The following CASZ1 variants were observed in gnomAD, a reference collection of about 807,000 sequenced individuals.
The protein encoded by CASZ1 is castor zinc finger 1.
Under a neutral mutation model 135.2 loss-of-function variants are expected in CASZ1, and 28 were observed. That is an observed-to-expected ratio of 0.21 (90% CI 0.15 to 0.28). CASZ1 has a LOEUF of 0.28. Among genes scored for constraint, CASZ1 ranks in the 10% least tolerant of loss-of-function variants. The pLI is 1.00. For synonymous variants in CASZ1, 1,068 were observed against 1,073.4 expected (o/e 0.99, Z 0.10); for missense variants, 2,161 against 2,453.3 (o/e 0.88, Z 2.52).
Position 10,647,688 on chromosome 1 carries a change from TG to T in CASZ1, c.3497+112del. On this transcript the variant is annotated intron_variant, in intron 16 of 20. Coordinates refer to ENST00000377022, the MANE Select transcript of CASZ1 (RefSeq NM_001079843.3). This position sits in a 1 kb window ranked among gnomAD's most constrained non-coding sequence, Gnocchi z 4.9. ...CCCGATGGCCATGCCCCAGAGAGGCTGGGGACAGCAGCACCATCCGCAGTGA... is the reference window on the plus strand; with the variant it reads ...CCCGATGGCCATGCCCCAGAGAGGCTGGGACAGCAGCACCATCCGCAGTGA... 1 of 1,537,360 alleles carries T rather than the reference TG, an allele frequency of 6.5e-7. No homozygotes were observed. Among genetic ancestry groups the T allele is most frequent in the Admixed American group, 1.9e-5 (1 of 51,316 alleles).
chr1:10,664,313 C>T (rs746210363), intron 5 of CASZ1, among the ~76,000 whole-genome samples: 5 of 151,970 alleles, frequency 3.3e-5, no homozygotes, highest in African/African-American at 1.2e-4. Context: ...GTGGTCCTGG[C>T]GACCCCCTTG....
chr1:10,747,374 C>G lies in CASZ1; in HGVS notation c.-77+13327G>C, dbSNP rs1213609893. On this transcript the variant is annotated intron_variant, in intron 2 of 20. Transcript: ENST00000377022. This position sits in a 1 kb window ranked among gnomAD's most constrained non-coding sequence, Gnocchi z 4.3. ...CAGGGATTCTTACCAAGTGCTAAGT[C>G]TAGCACCTGCCAAACCGTGGCGGAA... 6.6e-6 allele frequency among the ~76,000 whole-genome samples: 1 copy of G among 152,214 alleles called. No homozygotes were observed. Among genetic ancestry groups the G allele is most frequent in the African/African-American group, 2.4e-5 (1 of 41,454 alleles).
intron 1 of CASZ1, among the ~76,000 whole-genome samples, chr1:10,771,831 C>G (rs1361220722): frequency 6.6e-6 from 1 of 152,154 alleles, no homozygotes; most frequent in Non-Finnish European, 1.5e-5. Flanking sequence ...CCCAGGACTC[C>G]CCCTGGAACC....
chr1:10,743,292 G>A (rs1477109932), intron 2 of CASZ1, among the ~76,000 whole-genome samples: 1 of 152,070 alleles, frequency 6.6e-6, no homozygotes, highest in Non-Finnish European at 1.5e-5. Context: ...GACATTCAAG[G>A]GTGAGTGATA....
intron 1 of CASZ1, among the ~76,000 whole-genome samples, chr1:10,769,803 C>T (rs1410710577): frequency 1.3e-5 from 2 of 152,014 alleles, no homozygotes; most frequent in Admixed American, 6.6e-5. Flanking sequence ...AGGAGTGAGC[C>T]GCCACACCTG....
Position 10,756,243 on chromosome 1 carries a change from C to G in CASZ1, c.-77+4458G>C, listed in dbSNP as rs1354848318. Among the ~76,000 whole-genome samples, 1 of 152,132 alleles carries G rather than the reference C, an allele frequency of 6.6e-6. No homozygotes were observed. Among genetic ancestry groups the G allele is most frequent in the African/African-American group, 2.4e-5 (1 of 41,440 alleles). On this transcript the variant is annotated intron_variant, in intron 2 of 20. Transcript: ENST00000377022. This position sits in a 1 kb window ranked among gnomAD's most constrained non-coding sequence, Gnocchi z 5.9. ...CTGGAGGTCAGGCCTCCAGAGCCTC[C>G]TTACAGGGCCAGGCTGCTGTGCCAC...
rs1283625458 is a variant in CASZ1, at chr1:10,649,388, T to A, written c.2930A>T (p.Glu977Val). ...CTCCGCAGCGGGGCTCCCCTCCGCT[T>A]CCGCCTTGATGTTCAGCAGGCTGCC... Reference protein sequence around the residue: ...GLGSLLNIKAEAEGSPAAEPS... With the variant: ...GLGSLLNIKAVAEGSPAAEPS... The change falls in exon 14 of 21, where the codon GAA becomes GTA. Residue 977 changes from glutamate (E) to valine (V), a missense_variant. Glu to Val is a moderately radical substitution (Grantham distance 121). Around this residue, in one of 7 missense-constraint regions of CASZ1, gnomAD observed 406 missense variants for 387.6 expected, o/e 1.05. Coordinates refer to ENST00000377022, the MANE Select transcript of CASZ1 (RefSeq NM_001079843.3). 2.5e-6 allele frequency: 4 copies of A among 1,610,142 alleles called. No individual in the cohort carries two copies. The African/African-American group carries it at 5.3e-5, about 22-fold the overall frequency.
Position 10,741,613 on chromosome 1 carries a change from C to A in CASZ1, c.-77+19088G>T, listed in dbSNP as rs1189459109. 1.3e-5 allele frequency among the ~76,000 whole-genome samples: 2 copies of A among 152,000 alleles called. No homozygotes were observed. The highest frequency in any genetic ancestry group is 4.8e-5 in the African/African-American group (2 of 41,374). Reference sequence around the variant, plus strand: ...TTTTATTATCCGGGAGAAAAACAAACCCAACCACCGAAACTCACCCTCAAC... The same window carrying A: ...TTTTATTATCCGGGAGAAAAACAAAACCAACCACCGAAACTCACCCTCAAC... On this transcript the variant is annotated intron_variant, in intron 2 of 20. Transcript: ENST00000377022. This position sits in a 1 kb window ranked among gnomAD's most constrained non-coding sequence, Gnocchi z 5.0.
Position 10,757,106 on chromosome 1 carries a change from C to T in CASZ1, c.-77+3595G>A, listed in dbSNP as rs1029891546. The stretch of plus-strand genomic sequence containing the variant: ...GAAGCAGTTCCCTCCGCAAGGAGCC[C>T]GACCCACTCAAACGAGCCTTTCTCA... On this transcript the variant is annotated intron_variant, in intron 2 of 20. Coordinates refer to ENST00000377022, the MANE Select transcript of CASZ1 (RefSeq NM_001079843.3). This position sits in a 1 kb window ranked among gnomAD's most constrained non-coding sequence, Gnocchi z 4.6. Among the ~76,000 whole-genome samples the T allele has an allele frequency of 6.6e-6, 1 of 152,242 alleles. No individual in the cohort carries two copies. The highest frequency in any genetic ancestry group is 2.4e-5 in the African/African-American group (1 of 41,538).
intron 1 of CASZ1, among the ~76,000 whole-genome samples, chr1:10,773,026 AAGGAAGGAGGGG>A (rs1640602763): frequency 6.6e-6 from 1 of 152,038 alleles, no homozygotes; most frequent in Admixed American, 6.6e-5. Context: ...TTCCCAAGGA[AAGGAAGGAGGGG>A]AGGAAGGAAG....
chr1:10,761,037 C>T (rs1279494895), intron 1 of CASZ1, among the ~76,000 whole-genome samples, 180 bp from the exon 2 acceptor site: 1 of 152,380 alleles, frequency 6.6e-6, no homozygotes. Context: ...ACGGCGCATA[C>T]CATGCCTGAC....
At chr1:10,731,012 G>C (rs568909880) in intron 2 of CASZ1, among the ~76,000 whole-genome samples, 1 of 152,050 alleles carries the variant, frequency 6.6e-6, no homozygotes, top group Non-Finnish European at 1.5e-5. Flanking sequence ...AGGCTGAGGC[G>C]GGAGAATCAC....
chr1:10,637,690 C>A lies in CASZ1; in HGVS notation c.*1252G>T, dbSNP rs1178014356. Reference sequence around the variant, plus strand: ...AGCCACTGGCCAGGTGTGTGCCTGCCAGGTCAGGCCCTGGCCCGGGCTTCG... The same window carrying A: ...AGCCACTGGCCAGGTGTGTGCCTGCAAGGTCAGGCCCTGGCCCGGGCTTCG... On this transcript the variant is annotated 3_prime_UTR_variant, in exon 21 of 21. Coordinates refer to ENST00000377022, the MANE Select transcript of CASZ1 (RefSeq NM_001079843.3). The A allele has an allele frequency of 6.6e-6, 1 of 152,346 alleles. No homozygotes were observed. Among genetic ancestry groups the A allele is most frequent in the African/African-American group, 2.4e-5 (1 of 41,424 alleles). The allele number at this position is 152,346 out of a possible 1,614,324, so 9.4% of individuals were successfully genotyped here. A position where few individuals can be genotyped will look rare whatever the true frequency, so the allele number is the denominator to read the frequency against.
At chr1:10,704,765 C>T (rs913175279) in intron 3 of CASZ1, among the ~76,000 whole-genome samples, 1 of 152,242 alleles carries the variant, frequency 6.6e-6, no homozygotes, top group African/African-American at 2.4e-5. Flanking sequence ...ATTTACATAA[C>T]ACTGGCGTTC....
chr1:10,696,025 G>A (rs1242927398), intron 3 of CASZ1, among the ~76,000 whole-genome samples: 1 of 152,180 alleles, frequency 6.6e-6, no homozygotes, highest in East Asian at 1.9e-4. Flanking sequence ...CCTGGTCTTT[G>A]GACAGCATCC....
chr1:10,654,645 G>A (rs1174957274), intron 9 of CASZ1, 54 bp from the exon 10 acceptor site: 5 of 1,557,566 alleles, frequency 3.2e-6, no homozygotes, highest in Non-Finnish European at 4.4e-6. Context: ...CTCCTGGGCC[G>A]AGGTCGACAC....
intron 4 of CASZ1, among the ~76,000 whole-genome samples, 188 bp downstream of exon 4, chr1:10,693,686 G>A (rs1157375059): frequency 2.0e-5 from 3 of 152,016 alleles, no homozygotes; most frequent in African/African-American, 7.2e-5. Context: ...CTAAGCAAGT[G>A]GCAAATAACA....
chr1:10,687,464 C>T (rs1319349095), intron 4 of CASZ1, among the ~76,000 whole-genome samples: 2 of 152,380 alleles, frequency 1.3e-5, no homozygotes, highest in East Asian at 1.9e-4. Context: ...AGAGCAGATG[C>T]CCCGGCCAGG....
chr1:10,639,749 G>C lies in CASZ1; in HGVS notation c.4473C>G (p.Asp1491Glu), dbSNP rs1166652216. ...HDRVDNLVLD[D>E]FKRFKASLSC... ...TGAGTGAGGCCTTGAAGCGCTTGAA[G>C]TCGTCCAGCACCAGGTTGTCCACGC... Residue 1491 changes from aspartate to glutamate, a missense_variant, in exon 21 of 21, where the codon GAC becomes GAG. Around this residue, in one of 7 missense-constraint regions of CASZ1, gnomAD observed 240 missense variants for 321.4 expected, o/e 0.75. Coordinates refer to ENST00000377022, the MANE Select transcript of CASZ1 (RefSeq NM_001079843.3). This position sits in a 1 kb window ranked among gnomAD's most constrained non-coding sequence, Gnocchi z 4.0. 6 of 1,595,562 alleles carry C rather than the reference G, an allele frequency of 3.8e-6. No homozygotes were observed. The highest frequency in any genetic ancestry group is 5.1e-6 in the Non-Finnish European group (6 of 1,171,716).
Sources: gnomAD v4.1 joint callset for allele counts (sites outside exome capture counted in the v4.1 genomes callset) on GRCh38, gnomAD v4.1.1 for gene constraint, gnomAD v4.1.1 regional missense constraint, Gnocchi (gnomAD v3.1) non-coding constraint, MANE v1.5 for transcripts, NCBI Gene and HGNC (gene_info 2026-07-23, HGNC 2026-07-21) for gene names.